A1CF: variants seen among roughly 807,000 people sequenced by gnomAD.
A1CF encodes APOBEC1 complementation factor.
In A1CF, 48 loss-of-function variants were observed where a neutral mutation model predicts 68.9. The ratio of observed to expected loss-of-function variants is 0.70; its 90% confidence interval spans 0.55 to 0.89. A1CF has a LOEUF of 0.89. A1CF is among the 40% of genes least tolerant of loss of function. The probability of loss-of-function intolerance (pLI) is 0.00; values close to 1 mark genes in which losing one functional copy is unlikely to be tolerated. For synonymous variants in A1CF, 272 were observed against 260.4 expected (o/e 1.04, Z -0.43); for missense variants, 653 against 718.9 (o/e 0.91, Z 1.05).
intron 1 of A1CF, among the ~76,000 whole-genome samples, chr10:50,870,730 C>A (rs1055284356): frequency 3.3e-5 from 5 of 151,704 alleles, no homozygotes; most frequent in African/African-American, 1.2e-4. Flanking sequence ...CCATGTAAAG[C>A]CTTTTGAAGA....
Position 50,804,865 on chromosome 10 carries a change from A to T in A1CF, c.*1864T>A, listed in dbSNP as rs572153349. The T allele has an allele frequency of 3.8e-4, 58 of 152,340 alleles. No homozygotes were observed. Among genetic ancestry groups the T allele is most frequent in the African/African-American group, 1.4e-3 (58 of 41,590 alleles). 9.4% of individuals were successfully genotyped at this position (152,340 alleles called of 1,614,324 possible). A position where few individuals can be genotyped will look rare whatever the true frequency, so the allele number is the denominator to read the frequency against. On this transcript the variant is annotated 3_prime_UTR_variant, in exon 13 of 13. Transcript: ENST00000373997. ...TGAAATCACCTAGGGATCATTAAAA[A>T]ATACTGATGCCAGGCACCCATCCAA...
intron 1 of A1CF, among the ~76,000 whole-genome samples, chr10:50,878,110 A>G (rs1841600411): frequency 6.6e-6 from 1 of 152,186 alleles, no homozygotes; most frequent in African/African-American, 2.4e-5. Context: ...TGACAGAGTG[A>G]GACTCCATCT....
At chr10:50,817,112 C>T (rs1032230901) in intron 8 of A1CF, among the ~76,000 whole-genome samples, 2 of 152,056 alleles carry the variant, frequency 1.3e-5, no homozygotes, top group African/African-American at 2.4e-5. Flanking sequence ...TGTAGATCTA[C>T]GTGTGCTACT....
intron 3 of A1CF, among the ~76,000 whole-genome samples, chr10:50,854,744 A>G (rs541419667): frequency 1.3e-5 from 2 of 152,090 alleles, no homozygotes; most frequent in South Asian, 4.1e-4. Context: ...ATTTTTCTCA[A>G]TAATAGGGAC....
At chr10:50,846,131 A>C (rs1228891974) in intron 3 of A1CF, among the ~76,000 whole-genome samples, 1 of 152,172 alleles carries the variant, frequency 6.6e-6, no homozygotes, top group Non-Finnish European at 1.5e-5. Context: ...TTTCAGTGCC[A>C]ACATGATGCC....
At chr10:50,831,375 T>C (rs1004245933) in intron 6 of A1CF, among the ~76,000 whole-genome samples, 4 of 152,158 alleles carry the variant, frequency 2.6e-5, no homozygotes, top group African/African-American at 9.7e-5. Context: ...AAGGAGTTAA[T>C]ATCCCAAATA....
intron 8 of A1CF, among the ~76,000 whole-genome samples, chr10:50,819,902 C>T (rs759441100): frequency 5.3e-5 from 8 of 152,166 alleles, no homozygotes; most frequent in Non-Finnish European, 1.2e-4. Context: ...CTTGCCTATA[C>T]TTTGCACGAG....
chr10:50,813,219 T>A (rs535479146), intron 10 of A1CF, among the ~76,000 whole-genome samples: 4 of 152,354 alleles, frequency 2.6e-5, no homozygotes, highest in African/African-American at 7.2e-5. Flanking sequence ...GGAGTCAGTT[T>A]CCATATTGAA....
intron 5 of A1CF, 90 bp from the exon 6 acceptor site, chr10:50,836,402 A>T: frequency 7.1e-7 from 1 of 1,408,086 alleles, no homozygotes; most frequent in East Asian, 2.3e-5. Flanking sequence ...TTGCCTGAAG[A>T]TGTGGGATGT....
intron 3 of A1CF, among the ~76,000 whole-genome samples, chr10:50,846,191 G>A (rs867168365): frequency 3.3e-5 from 5 of 152,186 alleles, no homozygotes; most frequent in Middle Eastern, 6.8e-3. Flanking sequence ...ATACGAAATC[G>A]TTAAAAGCAT....
chr10:50,879,080 C>A (rs1300141433), intron 1 of A1CF, among the ~76,000 whole-genome samples: 2 of 152,196 alleles, frequency 1.3e-5, no homozygotes, highest in Non-Finnish European at 2.9e-5. Flanking sequence ...CACTCACACC[C>A]CGCATCCCAA....
At chr10:50,833,119 G>A (rs997760542) in intron 6 of A1CF, among the ~76,000 whole-genome samples, 2 of 152,204 alleles carry the variant, frequency 1.3e-5, no homozygotes, top group African/African-American at 4.8e-5. Flanking sequence ...AGATTCAATT[G>A]ATTAGAGGCT....
At position 50,805,620 on chromosome 10, in the gene A1CF, ATACT is replaced by A. The variant is rs1370935013; in HGVS notation, c.*1105_*1108del. The A allele has an allele frequency of 1.1e-4, 16 of 152,340 alleles. No individual in the cohort carries two copies. The highest frequency in any genetic ancestry group is 3.8e-4 in the African/African-American group (16 of 41,578). The allele number at this position is 152,340 out of a possible 1,614,324, so 9.4% of individuals were successfully genotyped here. A position where few individuals can be genotyped will look rare whatever the true frequency, so the allele number is the denominator to read the frequency against. On this transcript the variant is annotated 3_prime_UTR_variant, in exon 13 of 13. Transcript: ENST00000373997. ...GACTCAGGTATGGTGAAGCTGCCTG[ATACT>A]TACTGAAACAAAAAGGAAGGAAAGT...
chr10:50,852,055 T>G (rs1212008663), intron 3 of A1CF, among the ~76,000 whole-genome samples: 1 of 152,226 alleles, frequency 6.6e-6, no homozygotes, highest in Non-Finnish European at 1.5e-5. Flanking sequence ...AGTGTGAATT[T>G]GTCAGCGTGC....
chr10:50,865,437 T>C (rs2132552376), intron 1 of A1CF, among the ~76,000 whole-genome samples: 1 of 152,334 alleles, frequency 6.6e-6, no homozygotes, highest in East Asian at 1.9e-4. Context: ...GTTTCTGGAA[T>C]TTAATAACCA....
intron 5 of A1CF, 96 bp from the exon 6 acceptor site, chr10:50,836,408 G>T: frequency 7.3e-7 from 1 of 1,368,010 alleles, no homozygotes; most frequent in South Asian, 1.4e-5. Flanking sequence ...GAAGATGTGG[G>T]ATGTTTGGGT....
chr10:50,873,213 C>G (rs1201546898), intron 1 of A1CF, among the ~76,000 whole-genome samples: 1 of 152,060 alleles, frequency 6.6e-6, no homozygotes, highest in Admixed American at 6.6e-5. Context: ...ACCTTGGCCT[C>G]CCAAAATGCT....
rs189927539 is a variant in A1CF, at chr10:50,861,601, T to C, written c.-45-1616A>G. On this transcript the variant is annotated intron_variant, in intron 2 of 12. Coordinates refer to ENST00000373997, the MANE Select transcript of A1CF (RefSeq NM_014576.4). ...CTATTACTAATAGCACCAATATTAG[T>C]ACCAATATTACTAATAACACTAGTA... Among the ~76,000 whole-genome samples, 4 of 148,052 alleles carry C rather than the reference T, an allele frequency of 2.7e-5. No homozygotes were observed. In the East Asian group the frequency reaches 8.0e-4, roughly 30 times the overall value.
Position 50,859,971 on chromosome 10 carries a change from A to G in A1CF, c.-31T>C, listed in dbSNP as rs762238997. On this transcript the variant is annotated 5_prime_UTR_variant, in exon 3 of 13. Coordinates refer to ENST00000373997, the MANE Select transcript of A1CF (RefSeq NM_014576.4). ...GTGATTATCAGCAAAAAATCAGGTT[A>G]ATTAGGGTTGCTCACTGAAACCAAA... 1 of 1,594,168 alleles carries G rather than the reference A, an allele frequency of 6.3e-7. No individual in the cohort carries two copies. The highest frequency in any genetic ancestry group is 1.1e-5 in the South Asian group (1 of 90,490).
Sources: gnomAD v4.1 joint callset for allele counts (sites outside exome capture counted in the v4.1 genomes callset) on GRCh38, gnomAD v4.1.1 for gene constraint, MANE v1.5 for transcripts, NCBI Gene and HGNC (gene_info 2026-07-23, HGNC 2026-07-21) for gene names.